Variants in SGMS1 observed in about 807,000 individuals in gnomAD.
The protein encoded by SGMS1 is sphingomyelin synthase 1.
Under a neutral mutation model 46.2 loss-of-function variants are expected in SGMS1, and 13 were observed. The observed-to-expected ratio is 0.28, with a 90% CI of 0.18 to 0.45. SGMS1 has a LOEUF of 0.45. Among genes scored for constraint, SGMS1 ranks in the 20% least tolerant of loss-of-function variants. The pLI, the probability that SGMS1 is intolerant of heterozygous loss-of-function variation, is 1.00. For missense variants in SGMS1, 324 were observed against 519.9 expected, an observed-to-expected ratio of 0.62 and a Z score of 3.66; for synonymous variants, 203 against 187.8, an observed-to-expected ratio of 1.08 and a Z score of -0.66.
rs1837942202 is a variant in SGMS1, at chr10:50,530,426, C to A, written c.-588-10505G>T. On this transcript the variant is annotated intron_variant, in intron 2 of 10. Transcript: ENST00000361781. ...GACAGAAAGGGAAATGGGCAAGCCA[C>A]ATAATTCTAATCAAGGGAAAACATA... Among the ~76,000 whole-genome samples the A allele has an allele frequency of 2.6e-5, 4 of 152,194 alleles. No homozygotes were observed. In the South Asian group the frequency reaches 8.3e-4, roughly 32 times the overall value.
chr10:50,502,349 A>G (rs56225400), intron 3 of SGMS1, among the ~76,000 whole-genome samples: 33,207 of 150,930 alleles, frequency 0.22, 3,690 homozygotes, highest in Admixed American at 0.25. Context: ...AAGTCAGTAA[A>G]GAACACTACT....
intron 8 of SGMS1, among the ~76,000 whole-genome samples, chr10:50,317,802 C>CTT (rs143154915): frequency 0.03 from 4,047 of 133,534 alleles, 189 homozygotes; most frequent in African/African-American, 0.098. Flanking sequence ...TTATTTCTTT[C>CTT]TTTTTTTTTT....
chr10:50,615,587 A>G (rs1283017548), intron 1 of SGMS1, among the ~76,000 whole-genome samples: 1 of 152,160 alleles, frequency 6.6e-6, no homozygotes, highest in Non-Finnish European at 1.5e-5. Flanking sequence ...GTACTATAAG[A>G]CAGAGAGCTA....
intron 3 of SGMS1, among the ~76,000 whole-genome samples, chr10:50,479,370 C>CATGATTAAAGTA (rs753927476): frequency 1.2e-4 from 18 of 152,130 alleles, no homozygotes; most frequent in Non-Finnish European, 2.5e-4. Context: ...CCTAGATTTG[C>CATGATTAAAGTA]ATGATTAAAG....
chr10:50,596,659 G>C (rs1289969270), intron 1 of SGMS1, among the ~76,000 whole-genome samples: 1 of 152,232 alleles, frequency 6.6e-6, no homozygotes, highest in Non-Finnish European at 1.5e-5. Context: ...AAAGTGGCCA[G>C]GGAGGGAGAG....
At chr10:50,406,806 G>A (rs1849022346) in intron 6 of SGMS1, among the ~76,000 whole-genome samples, 1 of 151,386 alleles carries the variant, frequency 6.6e-6, no homozygotes, top group Non-Finnish European at 1.5e-5. Context: ...TTGGGCTTAA[G>A]AGACACTCCC....
At chr10:50,555,615 T>C (rs905618808) in intron 2 of SGMS1, among the ~76,000 whole-genome samples, 1 of 152,238 alleles carries the variant, frequency 6.6e-6, no homozygotes, top group African/African-American at 2.4e-5. Flanking sequence ...AAAATGTTAA[T>C]TTTGTTAGTG....
intron 6 of SGMS1, among the ~76,000 whole-genome samples, chr10:50,412,956 A>G (rs1175584218): frequency 4.6e-5 from 7 of 152,196 alleles, no homozygotes; most frequent in African/African-American, 1.7e-4. Context: ...TACTTCTCCT[A>G]AGATTTATCA....
intron 3 of SGMS1, among the ~76,000 whole-genome samples, chr10:50,478,342 T>C (rs1484347383): frequency 6.6e-6 from 1 of 152,214 alleles, no homozygotes; most frequent in African/African-American, 2.4e-5. Context: ...CTTAGTTTTC[T>C]GAACTAAATA....
chr10:50,458,337 C>A (rs955026367), intron 5 of SGMS1, among the ~76,000 whole-genome samples: 2 of 84,760 alleles, frequency 2.4e-5, no homozygotes, highest in South Asian at 3.6e-4. Context: ...TTTTCTTTTT[C>A]TCTTTTTTTT....
intron 8 of SGMS1, among the ~76,000 whole-genome samples, chr10:50,322,794 T>TGCAGTCC (rs1847469937): frequency 7.5e-6 from 1 of 133,466 alleles, no homozygotes; most frequent in African/African-American, 2.9e-5. Context: ...ATTGCGCCAC[T>TGCAGTCC]GCAGTCCGCA....
intron 1 of SGMS1, among the ~76,000 whole-genome samples, chr10:50,616,992 C>A (rs1156950823): frequency 6.6e-6 from 1 of 152,064 alleles, no homozygotes; most frequent in African/African-American, 2.4e-5. Flanking sequence ...TAAACATCCA[C>A]AAATAACCAA....
At chr10:50,624,736 C>G (rs997485775), upstream of SGMS1, 3 of 985,446 alleles carry the variant, frequency 3.0e-6, no homozygotes, top group East Asian at 1.1e-4. Context: ...GCTCCCCGAG[C>G]GAAGCCCCAG....
chr10:50,572,389 G>C (rs1051721412), intron 2 of SGMS1, among the ~76,000 whole-genome samples: 17 of 152,144 alleles, frequency 1.1e-4, no homozygotes, highest in African/African-American at 4.1e-4. Context: ...TCATCCATTT[G>C]CCAACACCTA....
chr10:50,552,899 C>A lies in SGMS1; in HGVS notation c.-588-32978G>T, dbSNP rs374490079. 5.0e-4 allele frequency among the ~76,000 whole-genome samples: 76 copies of A among 152,222 alleles called. 4 individuals carry two copies. The South Asian group carries it at 0.014, about 28-fold the overall frequency. ...GAAGAGAAGAAGGCAGTGTGAACAC[C>A]AGAGCAAAGATGGGAGTAGGGCAGC... On this transcript the variant is annotated intron_variant, in intron 2 of 10. Transcript: ENST00000361781.
chr10:50,614,607 G>A (rs570105758), intron 1 of SGMS1, among the ~76,000 whole-genome samples: 4 of 152,316 alleles, frequency 2.6e-5, no homozygotes, highest in African/African-American at 9.6e-5. Context: ...TCTGGCAGAG[G>A]TGGGTCCCAG....
chr10:50,490,958 T>A (rs530372918), intron 3 of SGMS1, among the ~76,000 whole-genome samples: 1 of 152,134 alleles, frequency 6.6e-6, no homozygotes, highest in East Asian at 1.9e-4. Context: ...GAATAATTAG[T>A]AAAAAAGAGT....
intron 8 of SGMS1, among the ~76,000 whole-genome samples, chr10:50,313,367 A>G: frequency 6.6e-6 from 1 of 152,182 alleles, no homozygotes; most frequent in East Asian, 1.9e-4. Context: ...ACAAAAGTAA[A>G]CACATTAAAA....
At chr10:50,498,538 C>T (rs558954876) in intron 3 of SGMS1, among the ~76,000 whole-genome samples, 50 of 152,226 alleles carry the variant, frequency 3.3e-4, no homozygotes, top group Admixed American at 3.1e-3. Flanking sequence ...CACTAGGTAC[C>T]TCATATATGT....
Sources: gnomAD v4.1 joint callset for allele counts (sites outside exome capture counted in the v4.1 genomes callset) on GRCh38, gnomAD v4.1.1 for gene constraint, MANE v1.5 for transcripts, NCBI Gene and HGNC (gene_info 2026-07-23, HGNC 2026-07-21) for gene names.